The following ODAD2 variants were observed in gnomAD, a reference collection of about 807,000 sequenced individuals.
The protein encoded by ODAD2 is outer dynein arm-docking complex subunit 2.
In ODAD2, 89 loss-of-function variants were observed where a neutral mutation model predicts 106.8. The ratio of observed to expected loss-of-function variants is 0.83; its 90% CI spans 0.70 to 0.99. The LOEUF is 0.99. Ranked by LOEUF, ODAD2 falls within the 50% of genes least tolerant of loss-of-function variation. ODAD2 has a pLI of 0.00. For missense variants in ODAD2, 1,168 were observed against 1,238.5 expected, an observed-to-expected ratio of 0.94 and a Z score of 0.85; for synonymous variants, 404 against 436.2, an observed-to-expected ratio of 0.93 and a Z score of 0.92.
intron 17 of ODAD2, among the ~76,000 whole-genome samples, chr10:27,872,524 C>T (rs1236822188): frequency 9.9e-5 from 15 of 151,998 alleles, no homozygotes; most frequent in East Asian, 1.9e-4. Flanking sequence ...TTTTGAGATA[C>T]GTCCCATCAA....
At chr10:27,993,686 CA>C (rs1400901076) in intron 2 of ODAD2, among the ~76,000 whole-genome samples, 15 of 152,124 alleles carry the variant, frequency 9.9e-5, no homozygotes, top group African/African-American at 2.9e-4. Flanking sequence ...TGACTTCAAA[CA>C]ACTCAGAGAG....
At chr10:27,969,689 T>C (rs1234689857) in intron 8 of ODAD2, among the ~76,000 whole-genome samples, 1 of 152,224 alleles carries the variant, frequency 6.6e-6, no homozygotes, top group East Asian at 1.9e-4. Flanking sequence ...AATGACCCTG[T>C]GATTCCCAGA....
chr10:27,821,478 A>G (rs1836604239), intron 19 of ODAD2, among the ~76,000 whole-genome samples: 1 of 152,198 alleles, frequency 6.6e-6, no homozygotes, highest in Non-Finnish European at 1.5e-5. Context: ...TTTTCCTACG[A>G]GCCTCACAAG....
intron 17 of ODAD2, among the ~76,000 whole-genome samples, chr10:27,879,062 G>T (rs944618454): frequency 6.6e-6 from 1 of 152,084 alleles, no homozygotes; most frequent in Non-Finnish European, 1.5e-5. Context: ...TAGCTTTAAC[G>T]AATTGAATCA....
chr10:27,869,636 A>G (rs1188298469), intron 17 of ODAD2, among the ~76,000 whole-genome samples: 2 of 151,578 alleles, frequency 1.3e-5, no homozygotes, highest in Non-Finnish European at 2.9e-5. Context: ...CTAGGTTCAA[A>G]TGATTCTCCT....
intron 2 of ODAD2, among the ~76,000 whole-genome samples, chr10:27,988,995 G>A (rs1293323849): frequency 6.6e-6 from 1 of 152,164 alleles, no homozygotes; most frequent in Non-Finnish European, 1.5e-5. Flanking sequence ...GGAAGCAGCG[G>A]TCAGAGTGAT....
intron 19 of ODAD2, among the ~76,000 whole-genome samples, chr10:27,843,111 AC>A (rs1838430728): frequency 6.6e-6 from 1 of 152,236 alleles, no homozygotes; most frequent in African/African-American, 2.4e-5. Context: ...CCTAGAATAA[AC>A]TGGAAACTTT....
chr10:27,826,959 C>A (rs1362467222), intron 19 of ODAD2, among the ~76,000 whole-genome samples: 1 of 152,038 alleles, frequency 6.6e-6, no homozygotes, highest in East Asian at 1.9e-4. Context: ...GGGTGACCTC[C>A]ACTTGCTGCC....
intron 10 of ODAD2, among the ~76,000 whole-genome samples, chr10:27,947,893 C>A (rs1203553343): frequency 6.6e-6 from 1 of 152,200 alleles, no homozygotes. Context: ...GCTATTCTTG[C>A]ATTATAATGT....
intron 17 of ODAD2, among the ~76,000 whole-genome samples, chr10:27,880,906 G>C (rs752474303): frequency 5.9e-5 from 9 of 152,172 alleles, no homozygotes; most frequent in Non-Finnish European, 7.3e-5. Context: ...TGGTGGGTGG[G>C]AATGGAAGGC....
chr10:27,935,856 A>G (rs1845938481), intron 15 of ODAD2, among the ~76,000 whole-genome samples: 1 of 152,040 alleles, frequency 6.6e-6, no homozygotes, highest in South Asian at 2.1e-4. Flanking sequence ...ATATATATAC[A>G]CACACAAATA....
At chr10:27,955,378 C>A (rs1348455138) in intron 10 of ODAD2, among the ~76,000 whole-genome samples, 1 of 152,052 alleles carries the variant, frequency 6.6e-6, no homozygotes, top group Non-Finnish European at 1.5e-5. Flanking sequence ...CAGGAAGATA[C>A]AACAGCAAGT....
At position 27,995,153 on chromosome 10, in the gene ODAD2, G is replaced by T. The variant is rs371609672; in HGVS notation, c.-11C>A. The T allele has an allele frequency of 6.2e-7, 1 of 1,614,040 alleles. No individual in the cohort carries two copies. The highest frequency in any genetic ancestry group is 8.5e-7 in the Non-Finnish European group (1 of 1,180,004). On this transcript the variant is annotated 5_prime_UTR_variant, in exon 2 of 20. Transcript: ENST00000305242. ...CAGAGCCACACCCATGGGATCCACC[G>T]TGCTCAGACCTGAGCTTAGCACACG...
At chr10:27,868,159 T>A (rs1012833932) in intron 17 of ODAD2, among the ~76,000 whole-genome samples, 5 of 152,092 alleles carry the variant, frequency 3.3e-5, no homozygotes, top group Non-Finnish European at 7.4e-5. Context: ...AGAATGACGA[T>A]CATTAAAAAG....
chr10:27,838,388 T>G (rs928762605), intron 19 of ODAD2, among the ~76,000 whole-genome samples: 3 of 152,236 alleles, frequency 2.0e-5, no homozygotes, highest in African/African-American at 7.2e-5. Context: ...TGCCAATTAA[T>G]ATAATGGATT....
intron 8 of ODAD2, 87 bp from the exon 9 acceptor site, chr10:27,969,105 G>C (rs71489604): frequency 1.8e-6 from 1 of 560,012 alleles, no homozygotes; most frequent in Non-Finnish European, 3.2e-6. Flanking sequence ...TATATACTCC[G>C]TTATTTCCAT....
chr10:27,995,074 G>A lies in ODAD2; in HGVS notation c.69C>T (p.Ile23=). The change falls in exon 2 of 20, where the codon ATC becomes ATT. Residue 23 remains isoleucine (I), a synonymous_variant. Transcript: ENST00000305242. ...TCAATATCGCTTCATTTAGAGGGGTGATTTCGAGGATTCCAGTTCCATGTC... is the reference window on the plus strand; with the variant it reads ...TCAATATCGCTTCATTTAGAGGGGTAATTTCGAGGATTCCAGTTCCATGTC... ...AAGHGTGILE[I]TPLNEAILKE... 2 of 1,614,142 alleles carry A rather than the reference G, an allele frequency of 1.2e-6. No homozygotes were observed. Among genetic ancestry groups the A allele is most frequent in the Non-Finnish European group, 1.7e-6 (2 of 1,180,040 alleles).
chr10:27,969,904 G>C (rs1435808308), intron 8 of ODAD2, among the ~76,000 whole-genome samples: 1 of 152,102 alleles, frequency 6.6e-6, no homozygotes, highest in Non-Finnish European at 1.5e-5. Flanking sequence ...TCAGGAGTTT[G>C]AGACTAGCCT....
rs529483083 is a variant in ODAD2 at position 27,917,774 on chromosome 10, AT to A, written c.2496-9998del. On this transcript the variant is annotated intron_variant, in intron 16 of 19. Coordinates refer to ENST00000305242, the MANE Select transcript of ODAD2 (RefSeq NM_018076.5). ...TATAAAGATAATTAGCTCACAGATTATTTTTTTAATGGACCATGGTCCTCCC... is the reference window on the plus strand; with the variant it reads ...TATAAAGATAATTAGCTCACAGATTATTTTTTAATGGACCATGGTCCTCCC... Among the ~76,000 whole-genome samples, 25 of 151,996 alleles carry A rather than the reference AT, an allele frequency of 1.6e-4. No homozygotes were observed. The East Asian group carries it at 3.5e-3, about 21-fold the overall frequency.
Sources: allele counts gnomAD v4.1 joint callset (sites outside exome capture counted in the v4.1 genomes callset), GRCh38; gene constraint gnomAD v4.1.1; transcripts MANE v1.5; gene names NCBI Gene and HGNC (gene_info 2026-07-23, HGNC 2026-07-21).